Variants in SC5D observed in about 807,000 individuals in gnomAD.
The protein encoded by SC5D is sterol-C5-desaturase.
In SC5D, 21 loss-of-function variants were observed where a neutral mutation model predicts 23.9. The ratio of observed to expected loss-of-function variants is 0.88; its 90% confidence interval spans 0.62 to 1.26. The LOEUF is 1.26. Ranked by LOEUF, SC5D falls within the 50% of genes most tolerant of loss-of-function variation. The probability of loss-of-function intolerance (pLI) is 0.00; values close to 1 mark genes in which losing one functional copy is unlikely to be tolerated. For synonymous variants in SC5D, 113 were observed against 125.9 expected, an observed-to-expected ratio of 0.90 and a Z score of 0.68; for missense variants, 309 against 364.8, an observed-to-expected ratio of 0.85 and a Z score of 1.25.
chr11:121,295,740 CT>C (rs1947884540), intron 1 of SC5D, among the ~76,000 whole-genome samples: 1 of 152,184 alleles, frequency 6.6e-6, no homozygotes, highest in Non-Finnish European at 1.5e-5. Flanking sequence ...TACCCACCCC[CT>C]ATTCCTACCC....
chr11:121,307,007 G>A (rs1280029882), intron 4 of SC5D, 50 bp from the exon 5 acceptor site: 1 of 1,485,214 alleles, frequency 6.7e-7, no homozygotes, highest in South Asian at 1.1e-5. Context: ...TAAGTTGAAT[G>A]TTGCACGGGG....
intron 1 of SC5D, among the ~76,000 whole-genome samples, chr11:121,295,262 A>G (rs777857675): frequency 1.2e-4 from 19 of 152,172 alleles, no homozygotes; most frequent in Non-Finnish European, 2.4e-4. Flanking sequence ...GCTTTTATAC[A>G]TTTTAGGGAG....
At chr11:121,298,314 A>G (rs1947903233) in intron 1 of SC5D, among the ~76,000 whole-genome samples, 1 of 152,176 alleles carries the variant, frequency 6.6e-6, no homozygotes, top group Admixed American at 6.5e-5. Context: ...TTTTTCTCCA[A>G]GGAGTGCTAC....
At position 121,307,798 on chromosome 11, in the gene SC5D, A is replaced by T; in HGVS notation, c.*286A>T. On this transcript the variant is annotated 3_prime_UTR_variant, in exon 5 of 5. Coordinates refer to ENST00000264027, the MANE Select transcript of SC5D (RefSeq NM_006918.5). Reference sequence around the variant, plus strand: ...CTGTAGTTTGTATAGCCTCAACAACAATTTTAAATAAGATGGAGAATAAAT... The same window carrying T: ...CTGTAGTTTGTATAGCCTCAACAACTATTTTAAATAAGATGGAGAATAAAT... 1 of 292,474 alleles carries T rather than the reference A, an allele frequency of 3.4e-6. No individual in the cohort carries two copies. Among genetic ancestry groups the T allele is most frequent in the Non-Finnish European group, 6.4e-6 (1 of 156,902 alleles). The allele number at this position is 292,474 out of a possible 1,614,324, so 18.1% of individuals were successfully genotyped here. A position where few individuals can be genotyped will look rare whatever the true frequency, so the allele number is the denominator to read the frequency against.
chr11:121,294,084 TA>T (rs1260453456), intron 1 of SC5D, among the ~76,000 whole-genome samples: 1 of 152,240 alleles, frequency 6.6e-6, no homozygotes, highest in Non-Finnish European at 1.5e-5. Context: ...TCTATACTTT[TA>T]AAGTAGGGCA....
At position 121,309,203 on chromosome 11, in the gene SC5D, A is replaced by G. The variant is rs960356203; in HGVS notation, c.*1691A>G. On this transcript the variant is annotated 3_prime_UTR_variant, in exon 5 of 5. Coordinates refer to ENST00000264027, the MANE Select transcript of SC5D (RefSeq NM_006918.5). ...TTTCCACCTAGTCTTTCTGCGACCC[A>G]GGCTCCTTCCTCTTGGGGCTCTGCC... 6.6e-6 allele frequency among the ~76,000 whole-genome samples: 1 copy of G among 152,146 alleles called. No individual in the cohort carries two copies. Among genetic ancestry groups the G allele is most frequent in the African/African-American group, 2.4e-5 (1 of 41,432 alleles).
In SC5D at chr11:121,311,305, T is replaced by C. The variant is rs1320214556; in HGVS notation, c.*3793T>C. On this transcript the variant is annotated 3_prime_UTR_variant, in exon 5 of 5. Coordinates refer to ENST00000264027, the MANE Select transcript of SC5D (RefSeq NM_006918.5). ...AAAATTCTCTTCTGATGCTGTCTTT[T>C]TGGCCAACCATTTTTTTATCATTTA... Among the ~76,000 whole-genome samples, 1 of 152,272 alleles carries C rather than the reference T, an allele frequency of 6.6e-6. No homozygotes were observed. The highest frequency in any genetic ancestry group is 1.5e-5 in the Non-Finnish European group (1 of 68,046).
intron 1 of SC5D, among the ~76,000 whole-genome samples, chr11:121,302,111 A>G (rs1947930197): frequency 6.6e-6 from 1 of 152,218 alleles, no homozygotes; most frequent in Non-Finnish European, 1.5e-5. Flanking sequence ...GAGAAATCTC[A>G]TAGGGAATCT....
chr11:121,303,675 T>C, intron 2 of SC5D, 90 bp downstream of exon 2: 1 of 1,087,274 alleles, frequency 9.2e-7, no homozygotes, highest in Non-Finnish European at 1.3e-6. Context: ...GCTGATTATA[T>C]GTAACCATTA....
At chr11:121,295,429 C>T (rs1056723448) in intron 1 of SC5D, among the ~76,000 whole-genome samples, 3 of 152,190 alleles carry the variant, frequency 2.0e-5, no homozygotes, top group Admixed American at 6.5e-5. Flanking sequence ...GCACACATTT[C>T]GTCTGGCTCA....
In SC5D at chr11:121,307,062, A is replaced by T; in HGVS notation, c.450A>T (p.Leu150=). The change falls in exon 5 of 5, where the codon CTA becomes CTT. Residue 150 remains leucine (L), a synonymous_variant. Coordinates refer to ENST00000264027, the MANE Select transcript of SC5D (RefSeq NM_006918.5). ...TGTGTCCTTTTCTCCTGCAGCGCCT[A>T]CATAAACCTCACCATATTTGGAAGA... is the stretch of plus-strand genomic sequence containing the variant. The part of the protein sequence containing the change: ...GLHHRLVYKR[L]HKPHHIWKIP... 6.2e-7 allele frequency: 1 copy of T among 1,614,012 alleles called. No homozygotes were observed. The highest frequency in any genetic ancestry group is 1.1e-5 in the South Asian group (1 of 91,082).
In SC5D at chr11:121,303,407, A is replaced by AT. The variant is rs1185907700; in HGVS notation, c.39dup (p.Thr14TyrfsTer13). On this transcript the variant is annotated frameshift_variant, in exon 2 of 5. Coordinates refer to ENST00000264027, the MANE Select transcript of SC5D (RefSeq NM_006918.5). LOFTEE classifies it high-confidence loss of function. ...CTTGTACTCCGTGTTGCAGATTACT[A>AT]TTTTTTTACACCATACGTGTATCCA... 7 of 1,613,836 alleles carry AT rather than the reference A, an allele frequency of 4.3e-6. No homozygotes were observed. The highest frequency in any genetic ancestry group is 1.7e-5 in the Admixed American group (1 of 59,994).
Position 121,306,453 on chromosome 11 carries a change from T to A in SC5D, c.411T>A (p.Ile137=). ...TCACTGACATGTTCATCTACTGGAT[T>A]CACAGAGGCCTTCATCATAGACTGG... The part of the protein sequence containing the change: ...LFFTDMFIYW[I]HRGLHHRLVY... The change falls in exon 4 of 5, where the codon ATT becomes ATA. Residue 137 remains isoleucine (I), a synonymous_variant. Coordinates refer to ENST00000264027, the MANE Select transcript of SC5D (RefSeq NM_006918.5). 6.3e-7 allele frequency: 1 copy of A among 1,577,678 alleles called. No individual in the cohort carries two copies. Among genetic ancestry groups the A allele is most frequent in the Admixed American group, 1.7e-5 (1 of 59,976 alleles).
At chr11:121,306,872 C>T (rs1483125145) in intron 4 of SC5D, 185 bp from the exon 5 acceptor site, 1 of 680,094 alleles carries the variant, frequency 1.5e-6, no homozygotes, top group African/African-American at 1.8e-5. Context: ...CACCACTGCA[C>T]TTGTACTCAT....
intron 1 of SC5D, among the ~76,000 whole-genome samples, chr11:121,298,928 T>G (rs1383865592): frequency 6.6e-6 from 1 of 152,138 alleles, no homozygotes; most frequent in Non-Finnish European, 1.5e-5. Context: ...GTAGGGGAGC[T>G]TCTGAGCCAG....
rs1436037151 is a variant in SC5D, at chr11:121,311,419, C to G, written c.*3907C>G. ...AGATGGTCCCTACATCAAGGATAAA[C>G]TATCTTTTTTTAGTCACTCAAAGTC... On this transcript the variant is annotated 3_prime_UTR_variant, in exon 5 of 5. Coordinates refer to ENST00000264027, the MANE Select transcript of SC5D (RefSeq NM_006918.5). Among the ~76,000 whole-genome samples, 1 of 152,146 alleles carries G rather than the reference C, an allele frequency of 6.6e-6. No individual in the cohort carries two copies. Among genetic ancestry groups the G allele is most frequent in the Non-Finnish European group, 1.5e-5 (1 of 68,020 alleles).
rs750306836 is a variant in SC5D at position 121,307,556 on chromosome 11, T to C, written c.*44T>C. The C allele has an allele frequency of 1.1e-5, 14 of 1,294,412 alleles. No individual in the cohort carries two copies. Among genetic ancestry groups the C allele is most frequent in the Non-Finnish European group, 1.5e-5 (14 of 928,616 alleles). 80.2% of individuals were successfully genotyped at this position (1,294,412 alleles called of 1,614,324 possible). On this transcript the variant is annotated 3_prime_UTR_variant, in exon 5 of 5. Transcript: ENST00000264027. ...TTAAGTAAGGACAAAGAAGGAAATATCATCGTATTTCTTTTTTTTAATAAG... is the reference window on the plus strand; with the variant it reads ...TTAAGTAAGGACAAAGAAGGAAATACCATCGTATTTCTTTTTTTTAATAAG...
chr11:121,293,245 G>C (rs533464103), intron 1 of SC5D, among the ~76,000 whole-genome samples: 1 of 152,240 alleles, frequency 6.6e-6, no homozygotes. Context: ...CCGTGGACGG[G>C]CTTAAAGAAA....
chr11:121,306,533 C>A, intron 4 of SC5D, 47 bp downstream of exon 4: 1 of 910,892 alleles, frequency 1.1e-6, no homozygotes, highest in Non-Finnish European at 1.8e-6. Context: ...CACATTTCAG[C>A]AATGTATGAT....
Sources: allele counts gnomAD v4.1 joint callset (sites outside exome capture counted in the v4.1 genomes callset), GRCh38; gene constraint gnomAD v4.1.1; transcripts MANE v1.5; gene names NCBI Gene and HGNC (gene_info 2026-07-23, HGNC 2026-07-21).